The following IL17RA variants were observed in gnomAD, a reference collection of about 807,000 sequenced individuals.
IL17RA encodes interleukin-17 receptor A.
A neutral mutation model predicts 50.4 loss-of-function variants in IL17RA; 34 were observed. The ratio of observed to expected loss-of-function variants is 0.67; its 90% CI spans 0.51 to 0.90. The LOEUF is 0.90. Ranked by LOEUF, IL17RA falls within the 40% of genes least tolerant of loss-of-function variation. The pLI, the probability that IL17RA is intolerant of heterozygous loss-of-function variation, is 0.00. For missense variants in IL17RA, 1,276 were observed against 1,169.8 expected (o/e 1.09, Z -1.32); for synonymous variants, 585 against 510.4 (o/e 1.15, Z -1.97).
intron 5 of IL17RA, 102 bp from the exon 6 acceptor site, chr22:17,101,894 C>T (rs2061392698): frequency 6.9e-7 from 1 of 1,456,510 alleles, no homozygotes; most frequent in African/African-American, 1.4e-5. Flanking sequence ...TGCGGACAGG[C>T]TCCCAGTGGG....
rs1214848376 is a variant in IL17RA, at chr22:17,103,578, G to A, written c.846+1G>A. The A allele has an allele frequency of 4.3e-6, 7 of 1,610,020 alleles. No individual in the cohort carries two copies. The highest frequency in any genetic ancestry group is 1.7e-5 in the Admixed American group (1 of 59,730). ...AGGGTGCTGTCGCCACCAAGTGCAG[G>A]TGGGTGAGTGTGGTGTGGACAGGTG... On this transcript the variant is annotated splice_donor_variant, in intron 8 of 12. Transcript: ENST00000319363. LOFTEE classifies it high-confidence loss of function.
At chr22:17,094,691 C>CTCTATATATA (rs1448096911) in intron 1 of IL17RA, among the ~76,000 whole-genome samples, 3 of 24,698 alleles carry the variant, frequency 1.2e-4, no homozygotes, top group African/African-American at 4.5e-4. Flanking sequence ...CTCTCTCTCT[C>CTCTATATATA]TATATATATA....
At chr22:17,085,340 C>A in intron 1 of IL17RA, 111 bp downstream of exon 1, 1 of 1,489,214 alleles carries the variant, frequency 6.7e-7, no homozygotes, top group Non-Finnish European at 8.9e-7. Context: ...GGCAGGAAGT[C>A]CGCGCCGCGG....
intron 11 of IL17RA, among the ~76,000 whole-genome samples, chr22:17,106,785 G>C (rs1291841580): frequency 6.6e-6 from 1 of 152,198 alleles, no homozygotes; most frequent in African/African-American, 2.4e-5. Flanking sequence ...CCTATGGGAG[G>C]TTCCAATAAC....
chr22:17,087,504 G>A (rs763374788), intron 1 of IL17RA, among the ~76,000 whole-genome samples: 4 of 152,230 alleles, frequency 2.6e-5, no homozygotes, highest in African/African-American at 4.8e-5. Flanking sequence ...CACAGGATGC[G>A]GGGGCTATTT....
chr22:17,106,058 T>C (rs2061413643), intron 11 of IL17RA, 104 bp downstream of exon 11: 2 of 855,016 alleles, frequency 2.3e-6, no homozygotes, highest in African/African-American at 1.7e-5. Flanking sequence ...AGCTTCTTGC[T>C]TGAGAACCAC....
In IL17RA at chr22:17,097,980, C is replaced by T. The variant is rs374912194; in HGVS notation, c.310+37C>T. 26 of 1,612,470 alleles carry T rather than the reference C, an allele frequency of 1.6e-5. No homozygotes were observed. The African/African-American group carries it at 2.9e-4, about 18-fold the overall frequency. ...TGCCAGCAGGGCCCTGGGGGATTCTCCCTGCCTCCAAGTGGCTCTCCCAGT... is the reference window on the plus strand; with the variant it reads ...TGCCAGCAGGGCCCTGGGGGATTCTTCCTGCCTCCAAGTGGCTCTCCCAGT... On this transcript the variant is annotated intron_variant, in intron 3 of 12. Coordinates refer to ENST00000319363, the MANE Select transcript of IL17RA (RefSeq NM_014339.7).
intron 10 of IL17RA, 110 bp downstream of exon 10, chr22:17,105,712 GC>G: frequency 1.5e-6 from 2 of 1,312,196 alleles, no homozygotes; most frequent in Admixed American, 2.0e-5. Flanking sequence ...ACCGAGGCCA[GC>G]CCGGGGTGGG....
rs886057217 is a variant in IL17RA, at chr22:17,111,251, A to G, written c.*1431A>G. On this transcript the variant is annotated 3_prime_UTR_variant, in exon 13 of 13. Transcript: ENST00000319363. ...ATAGGAAGAGAGAAATGTCGAGGTG[A>G]AACGTAAAAGCATCTGGCAGGAAGG... 2 of 152,214 alleles carry G rather than the reference A, an allele frequency of 1.3e-5. No homozygotes were observed. The highest frequency in any genetic ancestry group is 2.9e-5 in the Non-Finnish European group (2 of 68,076). 9.4% of individuals were successfully genotyped at this position (152,214 alleles called of 1,614,324 possible).
At chr22:17,100,630 T>A in intron 5 of IL17RA, 149 bp downstream of exon 5, 1 of 1,016,834 alleles carries the variant, frequency 9.8e-7, no homozygotes, top group Non-Finnish European at 1.5e-6. Flanking sequence ...AGGCCAAGAC[T>A]GGGAGTGCTT....
rs756496134 is a variant in IL17RA, at chr22:17,100,314, G to A, written c.424-41G>A. Reference sequence around the variant, plus strand: ...TTGGGCATAGATGGGTGACAGAGGTGTGTGTAATCCATCCACCTTCCCTTC... The same window carrying A: ...TTGGGCATAGATGGGTGACAGAGGTATGTGTAATCCATCCACCTTCCCTTC... On this transcript the variant is annotated intron_variant, in intron 4 of 12. Transcript: ENST00000319363. 21 of 1,613,662 alleles carry A rather than the reference G, an allele frequency of 1.3e-5. No homozygotes were observed. In the Admixed American group the frequency reaches 1.5e-4, roughly 12 times the overall value.
chr22:17,109,690 C>T lies in IL17RA; in HGVS notation c.2471C>T (p.Pro824Leu), dbSNP rs749236026. Reference protein sequence around the residue: ...EEEEEQDPGKPALPLSPEDLE... With the variant: ...EEEEEQDPGKLALPLSPEDLE... Reference sequence around the variant, plus strand: ...GAAGAGGAGCAGGACCCAGGGAAGCCGGCCCTGCCACTCTCTCCCGAGGAC... The same window carrying T: ...GAAGAGGAGCAGGACCCAGGGAAGCTGGCCCTGCCACTCTCTCCCGAGGAC... Residue 824 changes from proline to leucine, a missense_variant, in exon 13 of 13, where the codon CCG (proline) becomes CTG (leucine). Transcript: ENST00000319363. 1.5e-5 allele frequency: 24 copies of T among 1,577,930 alleles called. No homozygotes were observed. In the Middle Eastern group the frequency reaches 1.2e-3, roughly 80 times the overall value.
At chr22:17,096,794 C>T (rs1193433056) in intron 1 of IL17RA, among the ~76,000 whole-genome samples, 3 of 151,060 alleles carry the variant, frequency 2.0e-5, no homozygotes. Context: ...GGCGTGAACC[C>T]GGGAGGCGGA....
rs1040669249 is a variant in IL17RA at position 17,114,352 on chromosome 22, G to A, written c.*4532G>A. ...CCACACTCTCGCCCTGTCCATTTAGGTTGATGAAAGCAGGCAGTCACCCGG... is the reference window on the plus strand; with the variant it reads ...CCACACTCTCGCCCTGTCCATTTAGATTGATGAAAGCAGGCAGTCACCCGG... On this transcript the variant is annotated 3_prime_UTR_variant, in exon 13 of 13. Transcript: ENST00000319363. 2 of 152,296 alleles carry A rather than the reference G, an allele frequency of 1.3e-5. No homozygotes were observed. Among genetic ancestry groups the A allele is most frequent in the Non-Finnish European group, 2.9e-5 (2 of 68,144 alleles). The allele number at this position is 152,296 out of a possible 1,614,324, so 9.4% of individuals were successfully genotyped here.
chr22:17,098,044 T>C lies in IL17RA; in HGVS notation c.310+101T>C, dbSNP rs1282482016. ...GGGCTCCCAGTCCTGTGCTCAGACA[T>C]GGGGGTTCAAATTTAGTGCTATAAG... On this transcript the variant is annotated intron_variant, in intron 3 of 12. Coordinates refer to ENST00000319363, the MANE Select transcript of IL17RA (RefSeq NM_014339.7). 13 of 1,418,154 alleles carry C rather than the reference T, an allele frequency of 9.2e-6. No individual in the cohort carries two copies. The East Asian group carries it at 2.8e-4, about 30-fold the overall frequency. The allele number at this position is 1,418,154 out of a possible 1,614,324, so 87.8% of individuals were successfully genotyped here. A position where few individuals can be genotyped will look rare whatever the true frequency, so the allele number is the denominator to read the frequency against.
Position 17,112,537 on chromosome 22 carries a change from TC to T in IL17RA, c.*2719del, listed in dbSNP as rs890687084. ...ACATAGAGAAAGGAGTCATAAATTC[TC>T]CAAGGTGTCTGTTTCTTCTTTAATG... On this transcript the variant is annotated 3_prime_UTR_variant, in exon 13 of 13. Coordinates refer to ENST00000319363, the MANE Select transcript of IL17RA (RefSeq NM_014339.7). The T allele has an allele frequency of 1.1e-4, 17 of 152,210 alleles. No individual in the cohort carries two copies. Among genetic ancestry groups the T allele is most frequent in the African/African-American group, 4.1e-4 (17 of 41,516 alleles). 9.4% of individuals were successfully genotyped at this position (152,210 alleles called of 1,614,324 possible).
At position 17,108,938 on chromosome 22, in the gene IL17RA, G is replaced by A; in HGVS notation, c.1719G>A (p.Arg573=). 1.9e-6 allele frequency: 3 copies of A among 1,611,432 alleles called. No homozygotes were observed. The highest frequency in any genetic ancestry group is 2.5e-6 in the Non-Finnish European group (3 of 1,179,650). Residue 573 remains arginine, a synonymous_variant, in exon 13 of 13, where the codon AGG becomes AGA. Coordinates refer to ENST00000319363, the MANE Select transcript of IL17RA (RefSeq NM_014339.7). ...GGCAGCTCCGCGCCGCCCTGGACAG[G>A]TTCCGGGACTGGCAGGTCCGCTGTC... The part of the protein sequence containing the change: ...GGRQLRAALD[R]FRDWQVRCPD...
At chr22:17,104,400 G>A (rs2061405287) in intron 8 of IL17RA, among the ~76,000 whole-genome samples, 1 of 150,450 alleles carries the variant, frequency 6.6e-6, no homozygotes, top group Non-Finnish European at 1.5e-5. Flanking sequence ...TGGAGAGTGT[G>A]GTGTGGACGG....
chr22:17,109,558 C>A lies in IL17RA; in HGVS notation c.2339C>A (p.Thr780Lys). Reference sequence around the variant, plus strand: ...GCCATGGTCCTCACAGACCCACACACGCCCTACGAGGAGGAGCAGCGGCAG... The same window carrying A: ...GCCATGGTCCTCACAGACCCACACAAGCCCTACGAGGAGGAGCAGCGGCAG... Reference protein sequence around the residue: ...RPAMVLTDPHTPYEEEQRQSV... With the variant: ...RPAMVLTDPHKPYEEEQRQSV... Residue 780 changes from threonine to lysine, a missense_variant, in exon 13 of 13, where the codon ACG becomes AAG. Coordinates refer to ENST00000319363, the MANE Select transcript of IL17RA (RefSeq NM_014339.7). The A allele has an allele frequency of 6.3e-7, 1 of 1,599,432 alleles. No individual in the cohort carries two copies. Among genetic ancestry groups the A allele is most frequent in the Non-Finnish European group, 8.5e-7 (1 of 1,173,004 alleles).
Sources: allele counts gnomAD v4.1 joint callset (sites outside exome capture counted in the v4.1 genomes callset), GRCh38; gene constraint gnomAD v4.1.1; transcripts MANE v1.5; gene names NCBI Gene and HGNC (gene_info 2026-07-23, HGNC 2026-07-21).